FAN1: variants seen among roughly 807,000 people sequenced by gnomAD.
FAN1 encodes fanconi-associated nuclease 1.
A neutral mutation model predicts 104.9 loss-of-function variants in FAN1; 91 were observed. That is an observed-to-expected ratio of 0.87 (90% CI 0.73 to 1.03). FAN1 has a LOEUF of 1.03. Among genes scored for constraint, FAN1 ranks in the 50% least tolerant of loss-of-function variants. The pLI is 0.00. For missense variants in FAN1, 1,263 were observed against 1,239.9 expected (o/e 1.02, Z -0.28); for synonymous variants, 478 against 457.6 (o/e 1.04, Z -0.57).
intron 14 of FAN1, chr15:30,940,730 C>CTAT: frequency 1.0e-6 from 1 of 989,730 alleles, no homozygotes; most frequent in African/African-American, 1.7e-5. Flanking sequence ...TATGAAAAGC[C>CTAT]TATTTCAAAT....
At chr15:30,938,442 A>AT (rs2062929458) in intron 14 of FAN1, among the ~76,000 whole-genome samples, 1 of 152,310 alleles carries the variant, frequency 6.6e-6, no homozygotes, top group African/African-American at 2.4e-5. Flanking sequence ...CATGAAAGGA[A>AT]TGAAGTCTTT....
chr15:30,941,746 A>G lies in FAN1; in HGVS notation c.*184A>G, dbSNP rs752741599. ...TCCTGCTCAGTACGTCGACTTCATC[A>G]GCCAGGAGGGAGAGCTTGTGAAAGG... On this transcript the variant is annotated 3_prime_UTR_variant, in exon 15 of 15. Coordinates refer to ENST00000362065, the MANE Select transcript of FAN1 (RefSeq NM_014967.5). The G allele has an allele frequency of 8.1e-6, 13 of 1,613,876 alleles. No individual in the cohort carries two copies. The Middle Eastern group carries it at 4.9e-4, about 61-fold the overall frequency.
Position 30,942,058 on chromosome 15 carries a change from G to A in FAN1, c.*496G>A. ...AGGCAGACGGCATTCCTCTTAGTGT[G>A]GAGCTGTAGCTTTTCTATACAGAAG... On this transcript the variant is annotated 3_prime_UTR_variant, in exon 15 of 15. Transcript: ENST00000362065. The A allele has an allele frequency of 6.2e-7, 1 of 1,613,432 alleles. No individual in the cohort carries two copies. Among genetic ancestry groups the A allele is most frequent in the East Asian group, 2.2e-5 (1 of 44,880 alleles).
rs1356843832 is a variant in FAN1 at position 30,910,595 on chromosome 15, T to G, written c.1376-19T>G. 3 of 1,487,674 alleles carry G rather than the reference T, an allele frequency of 2.0e-6. No homozygotes were observed. The highest frequency in any genetic ancestry group is 1.8e-6 in the Non-Finnish European group (2 of 1,106,844). 92.2% of individuals were successfully genotyped at this position (1,487,674 alleles called of 1,614,324 possible). ...AAAATAGTAAAATTTAAAAAAACTT[T>G]TTTTTTTAACCATTTCAGAATCTGA... On this transcript the variant is annotated intron_variant, in intron 3 of 14. Transcript: ENST00000362065.
rs2062064634 is a variant in FAN1 at position 30,910,078 on chromosome 15, G to A, written c.1376-536G>A. Among the ~76,000 whole-genome samples, 2 of 152,258 alleles carry A rather than the reference G, an allele frequency of 1.3e-5. 1 individual carries two copies. Among genetic ancestry groups the A allele is most frequent in the South Asian group, 4.1e-4 (2 of 4,834 alleles). ...AATAAATATTTGCTGAATGGAGGAA[G>A]AAGGCACTGCCCTAAACTTGTGAAG... On this transcript the variant is annotated intron_variant, in intron 3 of 14. Transcript: ENST00000362065.
chr15:30,925,691 T>C, intron 9 of FAN1, 98 bp from the exon 10 acceptor site: 1 of 1,349,336 alleles, frequency 7.4e-7, no homozygotes, highest in Middle Eastern at 1.9e-4. Context: ...GTGACTGACT[T>C]TGTGGTAAGG....
In FAN1 at chr15:30,908,259, G is replaced by A. The variant is rs1305708707; in HGVS notation, c.1375+1G>A. ...ACGAATGCAGGCTTTCTACAGACAG[G>A]TATGACTAGTAGAAGGAGATGTGAA... On this transcript the variant is annotated splice_donor_variant, in intron 3 of 14. Transcript: ENST00000362065. LOFTEE classifies it high-confidence loss of function. The A allele has an allele frequency of 3.1e-6, 5 of 1,592,440 alleles. No individual in the cohort carries two copies. The highest frequency in any genetic ancestry group is 4.3e-6 in the Non-Finnish European group (5 of 1,171,644).
chr15:30,941,424 A>G lies in FAN1; in HGVS notation c.*4-142A>G, dbSNP rs1439939432. Reference sequence around the variant, plus strand: ...TAGGTTAGCAATGTTAATTCAGAGGAAAAAAGTTGACAGCTTCCCTCAAAA... The same window carrying G: ...TAGGTTAGCAATGTTAATTCAGAGGGAAAAAGTTGACAGCTTCCCTCAAAA... On this transcript the variant is annotated intron_variant, in intron 14 of 14. Coordinates refer to ENST00000362065, the MANE Select transcript of FAN1 (RefSeq NM_014967.5). 3.8e-6 allele frequency: 6 copies of G among 1,566,572 alleles called. No homozygotes were observed. The South Asian group carries it at 6.1e-5, about 16-fold the overall frequency.
rs1383965315 is a variant in FAN1, at chr15:30,937,265, G to A, written c.*3+6G>A. 1.9e-6 allele frequency: 3 copies of A among 1,599,628 alleles called. No homozygotes were observed. The highest frequency in any genetic ancestry group is 2.6e-6 in the Non-Finnish European group (3 of 1,175,796). Reference sequence around the variant, plus strand: ...GCCAAAGCCTTAGCTAAAAGGTATGGAATTGGGGATATTTGGTCATACATT... The same window carrying A: ...GCCAAAGCCTTAGCTAAAAGGTATGAAATTGGGGATATTTGGTCATACATT... On this transcript the variant is annotated splice_donor_region_variant and intron_variant, in intron 14 of 14. Transcript: ENST00000362065.
At position 30,906,437 on chromosome 15, in the gene FAN1, A is replaced by G. The variant is rs146556697; in HGVS notation, c.1234+540A>G. ...TGGAAACTTTCAAGCTGAAATTGGT[A>G]CATTAAAAATACTAGTCTATGCCTG... is the stretch of plus-strand genomic sequence containing the variant. On this transcript the variant is annotated intron_variant, in intron 2 of 14. Coordinates refer to ENST00000362065, the MANE Select transcript of FAN1 (RefSeq NM_014967.5). 4.3e-4 allele frequency: 198 copies of G among 456,792 alleles called. 1 individual carries two copies. The Middle Eastern group carries it at 6.5e-3, about 15-fold the overall frequency. 28.3% of individuals were successfully genotyped at this position (456,792 alleles called of 1,614,324 possible). A position where few individuals can be genotyped will look rare whatever the true frequency, so the allele number is the denominator to read the frequency against.
intron 13 of FAN1, among the ~76,000 whole-genome samples, chr15:30,932,850 T>C (rs1386934056): frequency 1.3e-5 from 2 of 151,708 alleles, no homozygotes; most frequent in Non-Finnish European, 2.9e-5. Flanking sequence ...GTAGCTGGGA[T>C]TACAGCTGTG....
At chr15:30,941,221 T>C (rs1159123190) in intron 14 of FAN1, 11 of 1,399,536 alleles carry the variant, frequency 7.9e-6, no homozygotes, top group African/African-American at 1.4e-5. Context: ...GCAGACAACA[T>C]GAACAGTTTG....
chr15:30,909,523 G>A (rs959125321), intron 3 of FAN1, among the ~76,000 whole-genome samples: 1 of 152,168 alleles, frequency 6.6e-6, no homozygotes, highest in Non-Finnish European at 1.5e-5. Context: ...TGTCTGACAG[G>A]CATGCCAGGT....
rs781585781 is a variant in FAN1 at position 30,922,343 on chromosome 15, C to G, written c.2161C>G (p.Arg721Gly). ...LALNLHQHLK[R>G]LEPTIKCITE... is the part of the protein sequence containing the mutation. ...CCTTAATTTACACCAGCACTTGAAG[C>G]GCCTGGAACCGGTACTCAGTAACAA... The change falls in exon 8 of 15, where the codon CGC (arginine) becomes GGC (glycine). Residue 721 changes from arginine to glycine, a missense_variant. Around this residue, in one of 2 missense-constraint regions of FAN1, gnomAD observed 581 missense variants for 668.8 expected, o/e 0.87. Coordinates refer to ENST00000362065, the MANE Select transcript of FAN1 (RefSeq NM_014967.5). The G allele has an allele frequency of 1.2e-6, 2 of 1,610,280 alleles. No individual in the cohort carries two copies. Among genetic ancestry groups the G allele is most frequent in the Admixed American group, 1.7e-5 (1 of 58,798 alleles).
chr15:30,904,884 C>T lies in FAN1; in HGVS notation c.221C>T (p.Pro74Leu), dbSNP rs762399552. The T allele has an allele frequency of 2.5e-6, 4 of 1,613,756 alleles. No homozygotes were observed. Among genetic ancestry groups the T allele is most frequent in the Non-Finnish European group, 3.4e-6 (4 of 1,179,898 alleles). ...CANNDFVQVD[P>L]GQVGLINSNV... Reference sequence around the variant, plus strand: ...AACAATGACTTCGTTCAAGTGGATCCAGGGCAGGTTGGCTTAATAAATTCA... The same window carrying T: ...AACAATGACTTCGTTCAAGTGGATCTAGGGCAGGTTGGCTTAATAAATTCA... Residue 74 changes from proline (P) to leucine (L), a missense_variant, in exon 2 of 15, where the codon CCA becomes CTA. By Grantham distance (98) the Pro-to-Leu change is moderately conservative (BLOSUM62 -3). Coordinates refer to ENST00000362065, the MANE Select transcript of FAN1 (RefSeq NM_014967.5).
intron 5 of FAN1, 93 bp downstream of exon 5, chr15:30,914,184 T>C (rs1252912234): frequency 1.1e-6 from 1 of 886,184 alleles, no homozygotes; most frequent in African/African-American, 1.7e-5. Flanking sequence ...AGTAGAAACA[T>C]TAAGTCCACA....
rs973618111 is a variant in FAN1 at position 30,942,249 on chromosome 15, T to C, written c.*687T>C. 6.3e-6 allele frequency: 5 copies of C among 789,524 alleles called. No homozygotes were observed. The African/African-American group carries it at 8.7e-5, about 14-fold the overall frequency. 48.9% of individuals were successfully genotyped at this position (789,524 alleles called of 1,614,324 possible). ...ATCCTCCTCCCCTGGAATTACACTT[T>C]TTTATGTGTTGACTCTACCTAGGCT... On this transcript the variant is annotated 3_prime_UTR_variant, in exon 15 of 15. Coordinates refer to ENST00000362065, the MANE Select transcript of FAN1 (RefSeq NM_014967.5).
chr15:30,919,981 TA>T (rs2062286150), intron 6 of FAN1, among the ~76,000 whole-genome samples: 1 of 152,198 alleles, frequency 6.6e-6, no homozygotes, highest in Non-Finnish European at 1.5e-5. Flanking sequence ...TAGATTACTA[TA>T]AACAGAGGTT....
Position 30,943,021 on chromosome 15 carries a change from A to C in FAN1, c.*1459A>C. 1 of 1,551,178 alleles carries C rather than the reference A, an allele frequency of 6.4e-7. No individual in the cohort carries two copies. Among genetic ancestry groups the C allele is most frequent in the Non-Finnish European group, 8.7e-7 (1 of 1,146,876 alleles). The stretch of plus-strand genomic sequence containing the variant: ...AGAGACCAGTCCCAAACAGAGGGGA[A>C]TTTTAAGCCCTTCTCATCACCCAAT... On this transcript the variant is annotated 3_prime_UTR_variant, in exon 15 of 15. Transcript: ENST00000362065.
Sources: allele counts gnomAD v4.1 joint callset (sites outside exome capture counted in the v4.1 genomes callset), GRCh38; gene constraint gnomAD v4.1.1; regional missense constraint gnomAD v4.1.1; transcripts MANE v1.5; gene names NCBI Gene and HGNC (gene_info 2026-07-23, HGNC 2026-07-21).